The following FOXP1 variants were observed in gnomAD, a reference collection of about 807,000 sequenced individuals.
FOXP1 encodes the protein forkhead box P1.
In FOXP1, 15 loss-of-function variants were observed where a neutral mutation model predicts 98.2. The ratio of observed to expected loss-of-function variants is 0.15; its 90% CI spans 0.10 to 0.24. The LOEUF (loss-of-function observed/expected upper bound fraction) is 0.24, where lower values mean the gene tolerates loss of function less well. Ranked by LOEUF, FOXP1 falls within the 10% of genes least tolerant of loss-of-function variation. FOXP1 has a pLI of 1.00. For synonymous variants in FOXP1, 371 were observed against 314.5 expected (o/e 1.18, Z -1.90); for missense variants, 633 against 848.5 (o/e 0.75, Z 3.15).
chr3:70,971,346 A>AATAAGGGGATGTCTT (rs1237733190), intron 18 of FOXP1: 1 of 167,530 alleles, frequency 6.0e-6, no homozygotes, highest in African/African-American at 2.4e-5. Flanking sequence ...GTCGTTCCTA[A>AATAAGGGGATGTCTT]ATAAGGGGAT....
At chr3:71,544,929 A>T (rs767050781) in intron 2 of FOXP1, among the ~76,000 whole-genome samples, 2 of 152,198 alleles carry the variant, frequency 1.3e-5, no homozygotes, top group African/African-American at 2.4e-5. Context: ...GACAAAGTCA[A>T]TTCTGTATCT....
At chr3:70,980,264 G>A (rs1197076552) in intron 14 of FOXP1, among the ~76,000 whole-genome samples, 1 of 152,188 alleles carries the variant, frequency 6.6e-6, no homozygotes, top group Non-Finnish European at 1.5e-5. Flanking sequence ...GTATGTATAA[G>A]CATCAGCCCA....
intron 4 of FOXP1, among the ~76,000 whole-genome samples, chr3:71,351,355 ATTTTAAGGCACCGACACT>A: frequency 6.6e-6 from 1 of 152,344 alleles, no homozygotes; most frequent in East Asian, 1.9e-4. Flanking sequence ...TGAGCTCAGT[ATTTTAAGGCACCGACACT>A]TTAGAAGTGG....
chr3:71,396,426 C>T (rs560001766), intron 3 of FOXP1, among the ~76,000 whole-genome samples: 4 of 152,094 alleles, frequency 2.6e-5, no homozygotes, highest in Admixed American at 1.3e-4. Context: ...AATGAGGAAA[C>T]TGGGCTTGGA....
chr3:71,255,293 C>G (rs2068531253), intron 5 of FOXP1, among the ~76,000 whole-genome samples: 1 of 152,182 alleles, frequency 6.6e-6, no homozygotes, highest in Admixed American at 6.5e-5. Context: ...TAGCCTTACA[C>G]TGTCCCCATG....
At chr3:70,980,539 C>T (rs2038654559) in intron 14 of FOXP1, among the ~76,000 whole-genome samples, 1 of 152,142 alleles carries the variant, frequency 6.6e-6, no homozygotes, top group African/African-American at 2.4e-5. Flanking sequence ...TGCCCATATT[C>T]CCAACCCAGA....
At chr3:71,407,705 G>A (rs2082446852) in intron 3 of FOXP1, among the ~76,000 whole-genome samples, 2 of 151,812 alleles carry the variant, frequency 1.3e-5, no homozygotes, top group South Asian at 4.1e-4. Flanking sequence ...TTCTGGCCAT[G>A]TCTTTGATGC....
At chr3:71,524,283 G>C (rs1381381959) in intron 2 of FOXP1, among the ~76,000 whole-genome samples, 1 of 152,094 alleles carries the variant, frequency 6.6e-6, no homozygotes, top group African/African-American at 2.4e-5. Flanking sequence ...AGAATCACTT[G>C]AATCAGGAAG....
chr3:71,106,792 G>C (rs2057477102), intron 7 of FOXP1, among the ~76,000 whole-genome samples: 1 of 128,092 alleles, frequency 7.8e-6, no homozygotes, highest in Admixed American at 8.0e-5. Flanking sequence ...TTTTTTTTTT[G>C]AGCTAGGATC....
intron 3 of FOXP1, among the ~76,000 whole-genome samples, chr3:71,479,032 T>A (rs1380516104): frequency 6.6e-6 from 1 of 152,174 alleles, no homozygotes; most frequent in Non-Finnish European, 1.5e-5. Context: ...TATCTTTAAC[T>A]CAAAATTAGC....
At chr3:71,236,777 G>A (rs1486831477) in intron 5 of FOXP1, among the ~76,000 whole-genome samples, 17 of 152,084 alleles carry the variant, frequency 1.1e-4, no homozygotes, top group Non-Finnish European at 4.4e-5. Context: ...GGAGGCTGAG[G>A]TGGGAGGACA....
chr3:70,960,457 A>G (rs2033101556), intron 20 of FOXP1, among the ~76,000 whole-genome samples: 1 of 152,218 alleles, frequency 6.6e-6, no homozygotes, highest in Non-Finnish European at 1.5e-5. Flanking sequence ...AACCGCTCGG[A>G]TAACTATTGA....
At chr3:71,112,770 A>G (rs1002346671) in intron 6 of FOXP1, 133 bp from the exon 7 acceptor site, 5 of 699,032 alleles carry the variant, frequency 7.2e-6, no homozygotes, top group Admixed American at 4.4e-5. Context: ...GAAACAGCAA[A>G]TGAAACTTCC....
intron 5 of FOXP1, among the ~76,000 whole-genome samples, chr3:71,257,526 A>C (rs376688466): frequency 4.0e-5 from 6 of 151,528 alleles, no homozygotes; most frequent in Admixed American, 3.3e-4. Context: ...CGGAGGTTGC[A>C]GTGAGTTGAG....
chr3:71,427,058 C>T (rs2084224882), intron 3 of FOXP1, among the ~76,000 whole-genome samples: 1 of 141,700 alleles, frequency 7.1e-6, no homozygotes, highest in African/African-American at 2.7e-5. Flanking sequence ...GAGACTCCAT[C>T]TCAAAAAAAA....
intron 4 of FOXP1, among the ~76,000 whole-genome samples, chr3:71,347,494 C>T (rs2077438057): frequency 6.6e-6 from 1 of 152,280 alleles, no homozygotes; most frequent in Admixed American, 6.5e-5. Context: ...AAACTACATG[C>T]TAGCACTGAA....
chr3:71,333,104 A>C (rs1043239781), intron 4 of FOXP1: 4 of 152,246 alleles, frequency 2.6e-5, no homozygotes, highest in Non-Finnish European at 5.9e-5. Context: ...ATTCTAGCAT[A>C]GGACTCCACA....
intron 3 of FOXP1, among the ~76,000 whole-genome samples, chr3:71,488,467 T>G (rs1436272487): frequency 1.3e-5 from 2 of 152,194 alleles, no homozygotes; most frequent in Non-Finnish European, 2.9e-5. Context: ...CTGCTGCTTA[T>G]GGGCAGGAAG....
chr3:71,170,384 T>C (rs1235018125), intron 6 of FOXP1, among the ~76,000 whole-genome samples: 1 of 152,196 alleles, frequency 6.6e-6, no homozygotes, highest in Non-Finnish European at 1.5e-5. Context: ...TAATGAGATA[T>C]GGTCATGTCG....
Sources: allele counts gnomAD v4.1 joint callset (sites outside exome capture counted in the v4.1 genomes callset), GRCh38; gene constraint gnomAD v4.1.1; transcripts MANE v1.5; gene names NCBI Gene and HGNC (gene_info 2026-07-23, HGNC 2026-07-21).